The following SUMF1 variants were observed in gnomAD, a reference collection of about 807,000 sequenced individuals.
SUMF1 encodes formylglycine-generating enzyme.
A neutral mutation model predicts 47.6 loss-of-function variants in SUMF1; 48 were observed. The ratio of observed to expected loss-of-function variants is 1.01; its 90% CI spans 0.80 to 1.28. SUMF1 has a LOEUF of 1.28. Ranked by LOEUF, SUMF1 falls within the 50% of genes most tolerant of loss-of-function variation. The probability of loss-of-function intolerance (pLI) is 0.00; values close to 1 mark genes in which losing one functional copy is unlikely to be tolerated. For synonymous variants in SUMF1, 230 were observed against 192.1 expected (o/e 1.20, Z -1.63); for missense variants, 571 against 485.4 (o/e 1.18, Z -1.66).
chr3:4,390,081 T>C (rs1700806866), intron 7 of SUMF1, among the ~76,000 whole-genome samples: 1 of 152,208 alleles, frequency 6.6e-6, no homozygotes, highest in African/African-American at 2.4e-5. Context: ...TGGATCTTAT[T>C]AACACCCTGT....
At chr3:4,384,789 G>T (rs952250331) in intron 7 of SUMF1, among the ~76,000 whole-genome samples, 3 of 152,112 alleles carry the variant, frequency 2.0e-5, no homozygotes, top group African/African-American at 7.2e-5. Flanking sequence ...AAGATGCTAT[G>T]TACAGGTTTT....
At chr3:4,122,371 T>C (rs1004110660) in intron 8 of SUMF1, among the ~76,000 whole-genome samples, 1 of 152,010 alleles carries the variant, frequency 6.6e-6, no homozygotes, top group African/African-American at 2.4e-5. Flanking sequence ...ACAAAGCAGA[T>C]TGGTGGTGGC....
In SUMF1 at chr3:4,335,966, A is replaced by AAAC. The variant is rs575357717; in HGVS notation, c.1014+40363_1014+40364insGTT. Among the ~76,000 whole-genome samples, 672 of 144,918 alleles carry AAAC rather than the reference A, an allele frequency of 4.6e-3. 19 individuals are homozygous for AAAC. Among genetic ancestry groups the AAAC allele is most frequent in the African/African-American group, 0.016 (593 of 37,638 alleles). ...ACTGAGTGAGATTCCAACTCAAAAA[A>AAAC]AAAAAAAAAAAAAACAGAAAAAACC... On this transcript the variant is annotated intron_variant and NMD_transcript_variant, in intron 8 of 12. Coordinates refer to the SUMF1 transcript ENST00000448413.
intron 8 of SUMF1, among the ~76,000 whole-genome samples, chr3:4,276,356 C>T (rs1697416959): frequency 6.6e-6 from 1 of 151,498 alleles, no homozygotes; most frequent in African/African-American, 2.4e-5. Flanking sequence ...TCTCAAAATG[C>T]TTTGTTATAT....
At chr3:4,132,235 T>A (rs1219926408) in intron 8 of SUMF1, among the ~76,000 whole-genome samples, 1 of 152,150 alleles carries the variant, frequency 6.6e-6, no homozygotes, top group Non-Finnish European at 1.5e-5. Context: ...CATCATGGTA[T>A]TCCACACAGC....
chr3:4,198,359 A>C (rs1409279895), intron 8 of SUMF1, among the ~76,000 whole-genome samples: 2 of 152,124 alleles, frequency 1.3e-5, no homozygotes, highest in African/African-American at 4.8e-5. Flanking sequence ...ATTCTGAAGG[A>C]AGTTATCTCT....
chr3:4,205,767 CT>C (rs1247663706), intron 8 of SUMF1, among the ~76,000 whole-genome samples: 2 of 152,088 alleles, frequency 1.3e-5, no homozygotes, highest in Non-Finnish European at 2.9e-5. Flanking sequence ...TCTTCTCTTA[CT>C]TTCTCCCACA....
At chr3:4,396,223 A>T (rs1701034253) in intron 7 of SUMF1, among the ~76,000 whole-genome samples, 2 of 152,268 alleles carry the variant, frequency 1.3e-5, no homozygotes, top group African/African-American at 4.8e-5. Context: ...TCAGCATCAT[A>T]GTCGGCCATT....
At chr3:4,187,622 A>T (rs1185777539) in intron 8 of SUMF1, among the ~76,000 whole-genome samples, 1 of 152,152 alleles carries the variant, frequency 6.6e-6, no homozygotes, top group Non-Finnish European at 1.5e-5. Flanking sequence ...ATAAGTGAAA[A>T]ATCAAAGTTG....
intron 8 of SUMF1, among the ~76,000 whole-genome samples, chr3:4,362,765 T>C (rs1252035244): frequency 2.6e-5 from 4 of 152,000 alleles, no homozygotes; most frequent in African/African-American, 9.7e-5. Context: ...CTACAAAAAA[T>C]TAGCTGAGCA....
In SUMF1 at chr3:4,263,066, T is replaced by G. The variant is rs147806547; in HGVS notation, c.1014+113264A>C. 2.6e-3 allele frequency among the ~76,000 whole-genome samples: 403 copies of G among 152,200 alleles called. 5 individuals carry two copies. The highest frequency in any genetic ancestry group is 9.1e-3 in the African/African-American group (379 of 41,508). On this transcript the variant is annotated intron_variant and NMD_transcript_variant, in intron 8 of 12. Coordinates refer to the SUMF1 transcript ENST00000448413. The stretch of plus-strand genomic sequence containing the variant: ...TGTCTTTATTTTTTAAATGGGGGTG[T>G]AGGGCATGGGGTAAAGAAAAAGAAA...
chr3:4,448,739 C>T (rs142661507), intron 3 of SUMF1, among the ~76,000 whole-genome samples: 2 of 152,246 alleles, frequency 1.3e-5, no homozygotes, highest in East Asian at 3.9e-4. Flanking sequence ...CCTGGATCCT[C>T]CATATGGGAG....
intron 8 of SUMF1, chr3:4,313,191 C>T (rs1698487266): frequency 1.2e-6 from 2 of 1,613,846 alleles, no homozygotes; most frequent in African/African-American, 2.7e-5. Flanking sequence ...ATAAAAAAGG[C>T]TGGGGACTTC....
At chr3:4,045,848 T>C (rs919474933) in intron 9 of SUMF1, among the ~76,000 whole-genome samples, 6 of 152,050 alleles carry the variant, frequency 3.9e-5, no homozygotes, top group Non-Finnish European at 7.4e-5. Context: ...CTAAAGTATA[T>C]GAGGTCTATG....
intron 7 of SUMF1, among the ~76,000 whole-genome samples, chr3:4,403,809 A>G (rs2124983586): frequency 6.6e-6 from 1 of 152,288 alleles, no homozygotes; most frequent in East Asian, 1.9e-4. Flanking sequence ...CAGGGGTATC[A>G]AAGAAGGAAT....
chr3:4,249,348 T>G (rs1243490001), intron 8 of SUMF1, among the ~76,000 whole-genome samples: 1 of 152,244 alleles, frequency 6.6e-6, no homozygotes, highest in African/African-American at 2.4e-5. Context: ...ATAGCAACTC[T>G]GAGTCTAAGT....
intron 8 of SUMF1, among the ~76,000 whole-genome samples, chr3:4,252,760 AG>A: frequency 6.6e-6 from 1 of 152,194 alleles, no homozygotes; most frequent in East Asian, 1.9e-4. Context: ...ATAGTAGCAA[AG>A]CAAAGAACTT....
At chr3:4,407,851 G>T (rs533510344) in intron 7 of SUMF1, among the ~76,000 whole-genome samples, 25 of 152,216 alleles carry the variant, frequency 1.6e-4, no homozygotes, top group African/African-American at 5.8e-4. Flanking sequence ...GGAGTTTAAG[G>T]CCCTCCAAGG....
At chr3:4,139,170 A>T (rs568522000) in intron 8 of SUMF1, among the ~76,000 whole-genome samples, 1 of 152,274 alleles carries the variant, frequency 6.6e-6, no homozygotes, top group African/African-American at 2.4e-5. Flanking sequence ...AAGTTGAGGA[A>T]ATATTCTGTC....
Sources: gnomAD v4.1 joint callset for allele counts (sites outside exome capture counted in the v4.1 genomes callset) on GRCh38, gnomAD v4.1.1 for gene constraint, MANE v1.5 for transcripts, NCBI Gene and HGNC (gene_info 2026-07-23, HGNC 2026-07-21) for gene names.